Variants in TARDBP observed in about 807,000 individuals in gnomAD.
The protein encoded by TARDBP is TAR DNA-binding protein 43.
A neutral mutation model predicts 38.3 loss-of-function variants in TARDBP; 4 were observed. That is an observed-to-expected ratio of 0.10 (90% CI 0.05 to 0.24). The LOEUF (loss-of-function observed/expected upper bound fraction) is 0.24. Among genes scored for constraint, TARDBP ranks in the 10% least tolerant of loss-of-function variants. The pLI is 1.00. For synonymous variants in TARDBP, 184 were observed against 183.8 expected, an observed-to-expected ratio of 1.00 and a Z score of -0.01; for missense variants, 202 against 521.9, an observed-to-expected ratio of 0.39 and a Z score of 5.97.
intron 5 of TARDBP, among the ~76,000 whole-genome samples, chr1:11,021,865 C>A (rs904254526): frequency 4.6e-5 from 7 of 151,850 alleles, no homozygotes; most frequent in Non-Finnish European, 1.5e-5. Flanking sequence ...AGTCCTCCCA[C>A]CTTGGCCTCC....
At chr1:11,028,079 G>T (rs907286311), downstream of TARDBP, among the ~76,000 whole-genome samples, 5 of 151,916 alleles carry the variant, frequency 3.3e-5, no homozygotes, top group Admixed American at 3.3e-4. Flanking sequence ...AAAATTAGCC[G>T]GGCGTGGTGA....
At chr1:11,015,776 CT>C (rs1156332547) in intron 2 of TARDBP, 1 of 152,730 alleles carries the variant, frequency 6.5e-6, no homozygotes, top group Non-Finnish European at 1.5e-5. Context: ...GACAGTCTCA[CT>C]CTGTCGCCCA....
chr1:11,026,575 T>C (rs1643735339), downstream of TARDBP: 1 of 213,654 alleles, frequency 4.7e-6, no homozygotes, highest in Admixed American at 5.9e-5. Flanking sequence ...TTTACAGAAA[T>C]GCCAACAGCC....
At chr1:11,029,949 C>T, downstream of TARDBP, 1 of 391,376 alleles carries the variant, frequency 2.6e-6, no homozygotes, top group South Asian at 5.4e-5. Context: ...TTATGCTTGC[C>T]TAGTTATAAG....
At chr1:11,017,032 T>C in intron 3 of TARDBP, 25 bp downstream of exon 3, 6 of 1,612,788 alleles carry the variant, frequency 3.7e-6, no homozygotes, top group Non-Finnish European at 5.1e-6. Context: ...CATCAAACAG[T>C]TTTTCTTTAC....
intron 2 of TARDBP, 129 bp downstream of exon 2, chr1:11,014,094 TAGACA>T: frequency 1.0e-6 from 1 of 963,016 alleles, no homozygotes; most frequent in Non-Finnish European, 1.7e-6. Flanking sequence ...ACTTCAGTGT[TAGACA>T]AGTTTGGAAG....
chr1:11,029,247 G>A (rs938832425), downstream of TARDBP, among the ~76,000 whole-genome samples: 6 of 150,954 alleles, frequency 4.0e-5, no homozygotes. Context: ...TGATCTTTCC[G>A]CCTTGGCCTC....
chr1:11,015,208 C>T (rs754460882), intron 2 of TARDBP, among the ~76,000 whole-genome samples: 14 of 151,290 alleles, frequency 9.3e-5, no homozygotes, highest in Non-Finnish European at 1.3e-4. Flanking sequence ...ATGTCAGGCT[C>T]GGTGCAATGG....
chr1:11,021,081 C>A (rs1043218764), intron 5 of TARDBP, among the ~76,000 whole-genome samples: 1 of 151,926 alleles, frequency 6.6e-6, no homozygotes, highest in African/African-American at 2.4e-5. Flanking sequence ...TTTAAGAAAT[C>A]TAAAAGTAAA....
chr1:11,022,009 T>G lies in TARDBP; in HGVS notation c.715-115T>G, dbSNP rs1643648836. ...TTTAAATGAAATGAGTGTTCATTGC[T>G]TATTTTTCCTCTGGCTTTAGATAAA... On this transcript the variant is annotated intron_variant, in intron 5 of 5. Coordinates refer to ENST00000240185, the MANE Select transcript of TARDBP (RefSeq NM_007375.4). The surrounding 1 kb of genome is among the most constrained non-coding windows in gnomAD (Gnocchi z 4.5). 1.0e-5 allele frequency: 13 copies of G among 1,252,466 alleles called. No homozygotes were observed. The highest frequency in any genetic ancestry group is 1.5e-5 in the Non-Finnish European group (13 of 871,830). The allele number at this position is 1,252,466 out of a possible 1,614,324, so 77.6% of individuals were successfully genotyped here. A position where few individuals can be genotyped will look rare whatever the true frequency, so the allele number is the denominator to read the frequency against.
At chr1:11,021,882 G>A (rs1039751715) in intron 5 of TARDBP, among the ~76,000 whole-genome samples, 2 of 152,108 alleles carry the variant, frequency 1.3e-5, no homozygotes, top group African/African-American at 4.8e-5. Context: ...CTCCCAAAGC[G>A]CTAGGATTAC....
At chr1:11,020,969 A>G (rs1643625728) in intron 5 of TARDBP, among the ~76,000 whole-genome samples, 1 of 152,150 alleles carries the variant, frequency 6.6e-6, no homozygotes, top group Non-Finnish European at 1.5e-5. Context: ...TTGCCCATGC[A>G]GCTAATTGCT....
intron 3 of TARDBP, 28 bp downstream of exon 3, chr1:11,017,035 T>G: frequency 6.2e-7 from 1 of 1,612,394 alleles, no homozygotes; most frequent in Non-Finnish European, 8.5e-7. Context: ...CAAACAGTTT[T>G]TCTTTACCAG....
downstream of TARDBP, chr1:11,027,771 G>C (rs1643764764): frequency 1.0e-6 from 1 of 996,218 alleles, no homozygotes; most frequent in Admixed American, 2.8e-5. Context: ...ATGAATTGGT[G>C]GGTGACTACC....
chr1:11,013,486 C>G (rs906476682), intron 1 of TARDBP, among the ~76,000 whole-genome samples: 2 of 152,200 alleles, frequency 1.3e-5, no homozygotes, highest in African/African-American at 2.4e-5. Flanking sequence ...GCATCATAAG[C>G]CTTCAGGGAA....
At chr1:11,019,973 C>T (rs1176628560) in intron 4 of TARDBP, among the ~76,000 whole-genome samples, 2 of 151,478 alleles carry the variant, frequency 1.3e-5, no homozygotes, top group African/African-American at 4.9e-5. Flanking sequence ...AAGTGATTCT[C>T]CTACCTCAGC....
intron 4 of TARDBP, chr1:11,019,260 C>A: frequency 3.2e-6 from 1 of 313,746 alleles, no homozygotes; most frequent in South Asian, 2.8e-5. Context: ...TTTGGAACAT[C>A]ATCATCTTTG....
At chr1:11,020,029 G>A (rs1462489562) in intron 4 of TARDBP, among the ~76,000 whole-genome samples, 2 of 151,336 alleles carry the variant, frequency 1.3e-5, no homozygotes, top group Admixed American at 6.6e-5. Context: ...ACACCCGGCT[G>A]ATTTTTGTAT....
downstream of TARDBP, among the ~76,000 whole-genome samples, chr1:11,027,869 G>T (rs531541446): frequency 6.6e-6 from 1 of 152,296 alleles, no homozygotes. Flanking sequence ...CAGAAAATGA[G>T]ATTAGTGAAA....
Sources: allele counts gnomAD v4.1 joint callset (sites outside exome capture counted in the v4.1 genomes callset), GRCh38; gene constraint gnomAD v4.1.1; non-coding constraint Gnocchi (gnomAD v3.1); transcripts MANE v1.5; gene names NCBI Gene and HGNC (gene_info 2026-07-23, HGNC 2026-07-21).